CSMD2: variants seen among roughly 807,000 people sequenced by gnomAD.
CSMD2 encodes the protein CUB and Sushi multiple domains 2.
In CSMD2, 130 loss-of-function variants were observed where a neutral mutation model predicts 398.5. The observed-to-expected ratio is 0.33, with a 90% CI of 0.28 to 0.38. CSMD2 has a LOEUF of 0.38. Ranked by LOEUF, CSMD2 falls within the 10% of genes least tolerant of loss-of-function variation. The pLI is 1.00. For missense variants in CSMD2, 3,829 were observed against 4,764.9 expected (o/e 0.80, Z 5.78); for synonymous variants, 1,828 against 1,908.5 (o/e 0.96, Z 1.10).
chr1:33,746,163 T>A (rs1033939113), intron 13 of CSMD2, among the ~76,000 whole-genome samples: 2 of 152,212 alleles, frequency 1.3e-5, no homozygotes, highest in Non-Finnish European at 2.9e-5. Context: ...CTTGAAATAT[T>A]ACATTAGCAC....
intron 21 of CSMD2, 97 bp downstream of exon 21, chr1:33,714,490 G>T: frequency 1.4e-6 from 2 of 1,405,670 alleles, no homozygotes; most frequent in Non-Finnish European, 9.8e-7. Flanking sequence ...GGCTAAGTCA[G>T]CCTCTTGGCC....
At chr1:34,134,853 C>T (rs973135088) in intron 1 of CSMD2, among the ~76,000 whole-genome samples, 5 of 152,118 alleles carry the variant, frequency 3.3e-5, no homozygotes, top group Non-Finnish European at 7.4e-5. Context: ...ATTAAAGGAA[C>T]GCAATAATGA....
At chr1:33,542,381 C>T (rs1199498523) in intron 58 of CSMD2, among the ~76,000 whole-genome samples, 1 of 152,178 alleles carries the variant, frequency 6.6e-6, no homozygotes, top group Non-Finnish European at 1.5e-5. Context: ...AAAGGGAAAG[C>T]CCAAGGAATT....
At chr1:33,734,923 A>G (rs918629963) in intron 15 of CSMD2, among the ~76,000 whole-genome samples, 4 of 152,114 alleles carry the variant, frequency 2.6e-5, no homozygotes, top group African/African-American at 9.7e-5. Context: ...GAGTTTAATT[A>G]CTTTTATTAT....
chr1:33,630,287 G>A (rs1022702628), intron 32 of CSMD2, among the ~76,000 whole-genome samples: 1 of 152,156 alleles, frequency 6.6e-6, no homozygotes, highest in Non-Finnish European at 1.5e-5. Context: ...AGGAGTTCCT[G>A]ATTTACACTC....
At chr1:33,799,264 C>A (rs1373483612) in intron 10 of CSMD2, among the ~76,000 whole-genome samples, 2 of 152,160 alleles carry the variant, frequency 1.3e-5, no homozygotes, top group Non-Finnish European at 2.9e-5. Flanking sequence ...GACTTTAAAG[C>A]CTAAAATATT....
intron 66 of CSMD2, 132 bp downstream of exon 66, chr1:33,524,750 C>T (rs1411523667): frequency 9.6e-6 from 8 of 830,738 alleles, no homozygotes; most frequent in Non-Finnish European, 1.5e-5. Context: ...TGAATAGACA[C>T]TTCCTCTTCC....
intron 5 of CSMD2, among the ~76,000 whole-genome samples, chr1:33,891,910 GA>G (rs1184146763): frequency 2.2e-5 from 2 of 89,076 alleles, no homozygotes; most frequent in African/African-American, 9.0e-5. Context: ...GGGGTGGGGG[GA>G]GGGGGGAGGG....
At chr1:33,589,786 T>C (rs964020893) in intron 44 of CSMD2, among the ~76,000 whole-genome samples, 3 of 152,240 alleles carry the variant, frequency 2.0e-5, no homozygotes, top group African/African-American at 7.2e-5. Context: ...TCTTTGCCCC[T>C]ATTTTTCTTA....
chr1:33,625,258 T>TG lies in CSMD2; in HGVS notation c.5297-5dup. 2 of 1,607,982 alleles carry TG rather than the reference T, an allele frequency of 1.2e-6. No homozygotes were observed. The highest frequency in any genetic ancestry group is 1.7e-6 in the Non-Finnish European group (2 of 1,178,116). ...GTGGCGCTGGTTCGAGGAACCGCTGTGGGGGACAAGGGCACTGAGGGGAGG... is the reference window on the plus strand; with the variant it reads ...GTGGCGCTGGTTCGAGGAACCGCTGTGGGGGGACAAGGGCACTGAGGGGAGG... On this transcript the variant is annotated splice_polypyrimidine_tract_variant and splice_region_variant and intron_variant, in intron 33 of 70. Coordinates refer to ENST00000373381, the MANE Select transcript of CSMD2 (RefSeq NM_001281956.2).
rs147330278 is a variant in CSMD2 at position 33,776,888 on chromosome 1, G to A, written c.1664-4137C>T. Among the ~76,000 whole-genome samples, 43 of 152,200 alleles carry A rather than the reference G, an allele frequency of 2.8e-4. 1 individual carries two copies. The East Asian group carries it at 6.2e-3, about 22-fold the overall frequency. ...GGGAGTGTCATGTGAAAAAGCTGAA[G>A]TATGTGGAATTGAGATTTCAGAGGT... On this transcript the variant is annotated intron_variant, in intron 12 of 70. Coordinates refer to ENST00000373381, the MANE Select transcript of CSMD2 (RefSeq NM_001281956.2).
At chr1:33,781,292 T>C (rs968651286) in intron 12 of CSMD2, among the ~76,000 whole-genome samples, 2 of 152,246 alleles carry the variant, frequency 1.3e-5, no homozygotes, top group African/African-American at 4.8e-5. Flanking sequence ...GTTTCAGACA[T>C]CACCTCCTCC....
chr1:34,027,799 C>G (rs1220220594), intron 3 of CSMD2, among the ~76,000 whole-genome samples: 1 of 152,144 alleles, frequency 6.6e-6, no homozygotes, highest in Non-Finnish European at 1.5e-5. Context: ...AGATAGATGT[C>G]TAAATGTATA....
chr1:33,635,087 G>T lies in CSMD2; in HGVS notation c.5086+127C>A. Reference sequence around the variant, plus strand: ...AACGTCAGCACTCGGCCGTCCTTTTGGGGAGACTGTTCTGCGATTCCCACA... The same window carrying T: ...AACGTCAGCACTCGGCCGTCCTTTTTGGGAGACTGTTCTGCGATTCCCACA... On this transcript the variant is annotated intron_variant, in intron 31 of 70. Transcript: ENST00000373381. The surrounding 1 kb of genome is among the most constrained non-coding windows in gnomAD (Gnocchi z 5.0). The T allele has an allele frequency of 1.6e-6, 1 of 640,398 alleles. No homozygotes were observed. The highest frequency in any genetic ancestry group is 2.9e-6 in the Non-Finnish European group (1 of 349,834). 39.7% of individuals were successfully genotyped at this position (640,398 alleles called of 1,614,324 possible).
intron 3 of CSMD2, among the ~76,000 whole-genome samples, chr1:34,030,481 T>C (rs115297081): frequency 0.027 from 4,127 of 152,302 alleles, 181 homozygotes; most frequent in African/African-American, 0.093. Context: ...CAGGGGGATC[T>C]GAGTTCTCTA....
chr1:33,758,199 G>A (rs571129985), intron 13 of CSMD2, among the ~76,000 whole-genome samples: 1 of 152,224 alleles, frequency 6.6e-6, no homozygotes, highest in South Asian at 2.1e-4. Flanking sequence ...AATGTGCAAG[G>A]CTAATCCATG....
At chr1:33,909,596 G>C (rs1394115500) in intron 5 of CSMD2, among the ~76,000 whole-genome samples, 3 of 152,108 alleles carry the variant, frequency 2.0e-5, no homozygotes, top group African/African-American at 7.2e-5. Flanking sequence ...TAGTTTGTTT[G>C]AATGATTGAA....
chr1:33,529,460 A>G (rs1655057850), intron 64 of CSMD2, among the ~76,000 whole-genome samples: 1 of 152,236 alleles, frequency 6.6e-6, no homozygotes, highest in South Asian at 2.1e-4. Flanking sequence ...GGAATAGAAT[A>G]GAGAATCCAG....
intron 3 of CSMD2, among the ~76,000 whole-genome samples, chr1:33,949,539 G>A (rs1054341209): frequency 5.3e-5 from 8 of 152,214 alleles, no homozygotes; most frequent in African/African-American, 1.4e-4. Flanking sequence ...AATGCAAGAG[G>A]AGACCCTGTG....
Sources: gnomAD v4.1 joint callset for allele counts (sites outside exome capture counted in the v4.1 genomes callset) on GRCh38, gnomAD v4.1.1 for gene constraint, Gnocchi (gnomAD v3.1) non-coding constraint, MANE v1.5 for transcripts, NCBI Gene and HGNC (gene_info 2026-07-23, HGNC 2026-07-21) for gene names.